The following AKAP6 variants were observed in gnomAD, a reference collection of about 807,000 sequenced individuals.
AKAP6 encodes A-kinase anchoring protein 6.
A neutral mutation model predicts 188.5 loss-of-function variants in AKAP6; 58 were observed. The observed-to-expected ratio is 0.31, with a 90% CI of 0.25 to 0.38. AKAP6 has a LOEUF of 0.38. AKAP6 is among the 10% of genes least tolerant of loss of function. The pLI, the probability that AKAP6 is intolerant of heterozygous loss-of-function variation, is 1.00. For missense variants in AKAP6, 2,710 were observed against 2,740.0 expected (o/e 0.99, Z 0.24); for synonymous variants, 989 against 998.6 (o/e 0.99, Z 0.18).
In AKAP6 at chr14:32,540,192, A is replaced by ATATATATTTTTT. The variant is rs1406480125; in HGVS notation, c.576+4388_576+4389insATATATTTTTTT. On this transcript the variant is annotated intron_variant, in intron 3 of 13. Coordinates refer to ENST00000280979, the MANE Select transcript of AKAP6 (RefSeq NM_004274.5). ...TCTATATATATATATATATATATAT[A>ATATATATTTTTT]TTTTAATTTTTTATTTTTTTTTTTG... Among the ~76,000 whole-genome samples the ATATATATTTTTT allele has an allele frequency of 7.5e-4, 93 of 123,390 alleles. 1 individual carries two copies. Among genetic ancestry groups the ATATATATTTTTT allele is most frequent in the South Asian group, 3.4e-3 (13 of 3,798 alleles). 80.9% of individuals were successfully genotyped at this position (123,390 alleles called of 152,430 possible).
chr14:32,822,746 C>A lies in AKAP6; in HGVS notation c.4933C>A (p.Pro1645Thr), dbSNP rs776042164. 111 of 1,613,664 alleles carry A rather than the reference C, an allele frequency of 6.9e-5. No individual in the cohort carries two copies. The highest frequency in any genetic ancestry group is 9.3e-5 in the African/African-American group (7 of 74,868). Residue 1645 changes from proline to threonine, a missense_variant, in exon 13 of 14, where the codon CCC becomes ACC. Physicochemically the swap from Pro to Thr is conservative, Grantham distance 38. This residue lies in a region of AKAP6 where 2,473 missense variants were observed against 2,426.1 expected (regional missense o/e 1.02). Coordinates refer to ENST00000280979, the MANE Select transcript of AKAP6 (RefSeq NM_004274.5). Reference protein sequence around the residue: ...LLNRLENIQSPSEQKIKRSVS... With the variant: ...LLNRLENIQSTSEQKIKRSVS... ...GAATCGTTTGGAGAATATCCAGAGC[C>A]CCTCAGAGCAAAAGATAAAACGAAG... is the stretch of plus-strand genomic sequence containing the variant.
intron 1 of AKAP6, among the ~76,000 whole-genome samples, chr14:32,410,729 T>A (rs1889455059): frequency 1.3e-5 from 2 of 152,146 alleles, no homozygotes; most frequent in African/African-American, 4.8e-5. Flanking sequence ...GTAAAGTAAA[T>A]CTCGATTTAT....
intron 8 of AKAP6, among the ~76,000 whole-genome samples, chr14:32,682,975 T>C (rs1305741423): frequency 7.6e-6 from 1 of 132,272 alleles, no homozygotes; most frequent in Non-Finnish European, 1.6e-5. Flanking sequence ...CAGGTGATTC[T>C]TTTTTTTTCT....
rs117431079 is a variant in AKAP6 at position 32,374,211 on chromosome 14, C to T, written c.-35+44803C>T. ...CTGGGAGATAGTCATCAAGGAGCAG[C>T]TAGTGCAGTTGGGAAAAACACATAC... On this transcript the variant is annotated intron_variant, in intron 1 of 13. Coordinates refer to ENST00000280979, the MANE Select transcript of AKAP6 (RefSeq NM_004274.5). Among the ~76,000 whole-genome samples the T allele has an allele frequency of 9.4e-4, 143 of 151,564 alleles. 2 individuals carry two copies. In the East Asian group the frequency reaches 0.023, roughly 24 times the overall value.
intron 12 of AKAP6, among the ~76,000 whole-genome samples, chr14:32,814,625 G>A (rs367916559): frequency 6.6e-5 from 10 of 152,306 alleles, no homozygotes; most frequent in African/African-American, 2.4e-4. Context: ...CCACAGCACA[G>A]TTTACCCTCA....
intron 5 of AKAP6, among the ~76,000 whole-genome samples, chr14:32,578,172 G>T (rs928336022): frequency 6.6e-6 from 1 of 152,136 alleles, no homozygotes; most frequent in Non-Finnish European, 1.5e-5. Flanking sequence ...CAGGGTTCCA[G>T]AACTGTTGTT....
At chr14:32,342,828 T>C (rs766504859) in intron 1 of AKAP6, among the ~76,000 whole-genome samples, 5 of 152,182 alleles carry the variant, frequency 3.3e-5, no homozygotes, top group Non-Finnish European at 7.3e-5. Context: ...CAAATTGATA[T>C]GTAAAGTTAC....
chr14:32,405,745 TC>T (rs1441285566), intron 1 of AKAP6, among the ~76,000 whole-genome samples: 2 of 152,066 alleles, frequency 1.3e-5, no homozygotes, highest in Non-Finnish European at 2.9e-5. Context: ...ATCTAGCTTT[TC>T]CCCTGCTAGC....
Position 32,833,903 on chromosome 14 carries a change from A to G in AKAP6, c.*4098A>G, listed in dbSNP as rs2034846463. On this transcript the variant is annotated 3_prime_UTR_variant, in exon 14 of 14. Coordinates refer to ENST00000280979, the MANE Select transcript of AKAP6 (RefSeq NM_004274.5). The stretch of plus-strand genomic sequence containing the variant: ...AGTAGAACAAAGATACTTGGTACTC[A>G]TCCCTCAGGTTCATTTATTGTTAAT... 1 of 152,208 alleles carries G rather than the reference A, an allele frequency of 6.6e-6. No individual in the cohort carries two copies. The allele number at this position is 152,208 out of a possible 1,614,324, so 9.4% of individuals were successfully genotyped here.
At chr14:32,410,214 A>G (rs1889437082) in intron 1 of AKAP6, among the ~76,000 whole-genome samples, 1 of 152,160 alleles carries the variant, frequency 6.6e-6, no homozygotes, top group Non-Finnish European at 1.5e-5. Context: ...TTTAAGTCCA[A>G]TAAGAAATAT....
intron 2 of AKAP6, among the ~76,000 whole-genome samples, chr14:32,489,586 G>C (rs1459346377): frequency 6.6e-6 from 1 of 152,110 alleles, no homozygotes; most frequent in Non-Finnish European, 1.5e-5. Flanking sequence ...GAAAGCACCT[G>C]ACCTGTAATT....
At chr14:32,351,743 T>C (rs996099280) in intron 1 of AKAP6, among the ~76,000 whole-genome samples, 1 of 152,086 alleles carries the variant, frequency 6.6e-6, no homozygotes, top group African/African-American at 2.4e-5. Context: ...GTGATAGAAA[T>C]TGAATATATA....
chr14:32,771,340 G>GT (rs1298028664), intron 11 of AKAP6, among the ~76,000 whole-genome samples: 5 of 81,002 alleles, frequency 6.2e-5, no homozygotes, highest in East Asian at 7.1e-4. Context: ...TTCATTTAAA[G>GT]GAAAAAAAAA....
Position 32,837,498 on chromosome 14 carries a change from G to T in AKAP6, c.*7693G>T, listed in dbSNP as rs1163455428. ...ACTGGTTTATAAAAAATACTCTAAG[G>T]TTTATAGAATTAGTTTGGTTCCGTT... On this transcript the variant is annotated 3_prime_UTR_variant, in exon 14 of 14. Coordinates refer to ENST00000280979, the MANE Select transcript of AKAP6 (RefSeq NM_004274.5). 3 of 152,100 alleles carry T rather than the reference G, an allele frequency of 2.0e-5. No homozygotes were observed. Among genetic ancestry groups the T allele is most frequent in the Non-Finnish European group, 2.9e-5 (2 of 68,030 alleles). 9.4% of individuals were successfully genotyped at this position (152,100 alleles called of 1,614,324 possible). A position where few individuals can be genotyped will look rare whatever the true frequency, so the allele number is the denominator to read the frequency against.
At chr14:32,459,436 C>T (rs2138814254) in intron 2 of AKAP6, among the ~76,000 whole-genome samples, 1 of 152,004 alleles carries the variant, frequency 6.6e-6, no homozygotes, top group East Asian at 1.9e-4. Flanking sequence ...GTGATAGATA[C>T]AGACAGATTG....
intron 9 of AKAP6, among the ~76,000 whole-genome samples, chr14:32,707,290 T>C (rs1890849536): frequency 6.6e-6 from 1 of 152,242 alleles, no homozygotes; most frequent in South Asian, 2.1e-4. Flanking sequence ...TATAAATAAC[T>C]GTACAAAATT....
intron 7 of AKAP6, among the ~76,000 whole-genome samples, chr14:32,626,292 G>A (rs544772031): frequency 6.6e-6 from 1 of 152,180 alleles, no homozygotes; most frequent in East Asian, 1.9e-4. Flanking sequence ...AACCCCAGTG[G>A]TCTTTCATAT....
chr14:32,430,807 T>A (rs1890193406), intron 1 of AKAP6, among the ~76,000 whole-genome samples: 1 of 152,162 alleles, frequency 6.6e-6, no homozygotes, highest in Admixed American at 6.6e-5. Context: ...TAATTTTTTT[T>A]AAATATTAAA....
intron 2 of AKAP6, among the ~76,000 whole-genome samples, chr14:32,479,148 C>T (rs182464848): frequency 3.9e-5 from 6 of 152,232 alleles, no homozygotes; most frequent in South Asian, 2.1e-4. Context: ...TTAAAAATTA[C>T]TTCTATTGTT....
Sources: allele counts gnomAD v4.1 joint callset (sites outside exome capture counted in the v4.1 genomes callset), GRCh38; gene constraint gnomAD v4.1.1; regional missense constraint gnomAD v4.1.1; transcripts MANE v1.5; gene names NCBI Gene and HGNC (gene_info 2026-07-23, HGNC 2026-07-21).